Variants in OGDH observed in about 807,000 individuals in gnomAD.
OGDH encodes the protein oxoglutarate dehydrogenase.
A neutral mutation model predicts 116.6 loss-of-function variants in OGDH; 38 were observed. The observed-to-expected ratio is 0.33, with a 90% CI of 0.25 to 0.43. The LOEUF is 0.43. Among genes scored for constraint, OGDH ranks in the 20% least tolerant of loss-of-function variants. The pLI, the probability that OGDH is intolerant of heterozygous loss-of-function variation, is 1.00. For missense variants in OGDH, 825 were observed against 1,357.2 expected, an observed-to-expected ratio of 0.61 and a Z score of 6.16; for synonymous variants, 488 against 533.3, an observed-to-expected ratio of 0.92 and a Z score of 1.17.
chr7:44,624,288 CTTGT>C, intron 1 of OGDH, 25 bp from the exon 2 acceptor site: 5 of 1,157,282 alleles, frequency 4.3e-6, no homozygotes, highest in African/African-American at 1.9e-5. Flanking sequence ...ACCTTTCTTT[CTTGT>C]TTTTTTTTTT....
chr7:44,661,368 A>T lies in OGDH; in HGVS notation c.518-5368A>T, dbSNP rs75090392. ...TGAAGTGAGTTTCTTGTGGATAAGC[A>T]TATAGGTGGGTTTTGTTTTATATTT... On this transcript the variant is annotated intron_variant, in intron 4 of 22. Coordinates refer to ENST00000222673, the MANE Select transcript of OGDH (RefSeq NM_002541.4). 6.2e-4 allele frequency among the ~76,000 whole-genome samples: 95 copies of T among 152,242 alleles called. 1 individual carries two copies. The East Asian group carries it at 0.018, about 28-fold the overall frequency.
At chr7:44,652,293 A>G (rs1330840765) in intron 4 of OGDH, among the ~76,000 whole-genome samples, 1 of 151,888 alleles carries the variant, frequency 6.6e-6, no homozygotes, top group Non-Finnish European at 1.5e-5. Context: ...TATTTTTAGT[A>G]GAGACCGGGT....
rs371671800 is a variant in OGDH, at chr7:44,701,581, C to G, written c.2598C>G (p.Pro866=). 6.2e-7 allele frequency: 1 copy of G among 1,614,156 alleles called. No individual in the cohort carries two copies. Among genetic ancestry groups the G allele is most frequent in the Non-Finnish European group, 8.5e-7 (1 of 1,180,020 alleles). The change falls in exon 20 of 23, where the codon CCC becomes CCG. Residue 866 remains proline (P), a synonymous_variant. Transcript: ENST00000222673. Reference sequence around the variant, plus strand: ...CCCCCAAATCCCTGTTGCGCCACCCCGAGGCCAGATCCAGCTTTGATGAGA... The same window carrying G: ...CCCCCAAATCCCTGTTGCGCCACCCGGAGGCCAGATCCAGCTTTGATGAGA... ...IFTPKSLLRH[P]EARSSFDEML... is the part of the protein sequence containing the mutation.
At chr7:44,656,170 ATGTG>A (rs759642375) in intron 4 of OGDH, 156 of 678,864 alleles carry the variant, frequency 2.3e-4, no homozygotes, top group Non-Finnish European at 3.7e-4. Context: ...TTCTCCCTTG[ATGTG>A]TGTGTGTGTC....
intron 4 of OGDH, among the ~76,000 whole-genome samples, chr7:44,655,750 G>A (rs2115916760): frequency 6.6e-6 from 1 of 152,332 alleles, no homozygotes; most frequent in African/African-American, 2.4e-5. Flanking sequence ...CTGTGGAGAT[G>A]CAGCTGTGGC....
intron 20 of OGDH, among the ~76,000 whole-genome samples, chr7:44,701,865 A>C (rs1158663907): frequency 6.6e-6 from 1 of 152,184 alleles, no homozygotes; most frequent in African/African-American, 2.4e-5. Flanking sequence ...TGAGGTCGGG[A>C]GTTCGAGACT....
In OGDH at chr7:44,697,015, G is replaced by A. The variant is rs761844258; in HGVS notation, c.2002G>A (p.Gly668Ser). 6.2e-7 allele frequency: 1 copy of A among 1,614,232 alleles called. No homozygotes were observed. Among genetic ancestry groups the A allele is most frequent in the Non-Finnish European group, 8.5e-7 (1 of 1,180,038 alleles). ...YMAFGSLLKE[G>S]IHIRLSGQDV... ...GGCGTTTGGCTCGCTCCTGAAGGAG[G>A]GCATCCACATTCGGCTGAGCGGCCA... The change falls in exon 15 of 23, where the codon GGC becomes AGC. Residue 668 changes from glycine (G) to serine (S), a missense_variant. By Grantham distance (56) the Gly-to-Ser change is moderately conservative. Around this residue, in one of 7 missense-constraint regions of OGDH, gnomAD observed 92 missense variants for 129.7 expected, o/e 0.71. Transcript: ENST00000222673. The surrounding 1 kb of genome is among the most constrained non-coding windows in gnomAD (Gnocchi z 6.0).
intron 1 of OGDH, among the ~76,000 whole-genome samples, chr7:44,608,752 C>A (rs1258293045): frequency 2.6e-5 from 4 of 151,988 alleles, no homozygotes; most frequent in African/African-American, 9.7e-5. Flanking sequence ...ACTACAGTAT[C>A]ATCTACTTTT....
intron 20 of OGDH, among the ~76,000 whole-genome samples, chr7:44,704,703 T>C (rs147829471): frequency 0.021 from 3,133 of 152,124 alleles, 37 homozygotes; most frequent in Non-Finnish European, 0.034. Context: ...TTGGGTGTTT[T>C]TTTTGTTTGT....
At chr7:44,608,571 G>A (rs1562602964) in intron 1 of OGDH, among the ~76,000 whole-genome samples, 1 of 151,778 alleles carries the variant, frequency 6.6e-6, no homozygotes, top group Non-Finnish European at 1.5e-5. Context: ...TGGTGGCGTG[G>A]GCCTGTAGTC....
chr7:44,696,991 G>A lies in OGDH; in HGVS notation c.1978G>A (p.Ala660Thr). The change falls in exon 15 of 23, where the codon GCG becomes ACG. Residue 660 changes from alanine (A) to threonine (T), a missense_variant. By Grantham distance (58) the Ala-to-Thr change is moderately conservative. This residue lies in a region of OGDH where 92 missense variants were observed against 129.7 expected (regional missense o/e 0.71). Transcript: ENST00000222673. The part of the protein sequence containing the change: ...TVDWALAEYM[A>T]FGSLLKEGIH... Reference sequence around the variant, plus strand: ...GGACTGGGCTCTAGCGGAGTACATGGCGTTTGGCTCGCTCCTGAAGGAGGG... The same window carrying A: ...GGACTGGGCTCTAGCGGAGTACATGACGTTTGGCTCGCTCCTGAAGGAGGG... The A allele has an allele frequency of 1.9e-6, 3 of 1,614,232 alleles. No homozygotes were observed. The highest frequency in any genetic ancestry group is 1.6e-4 in the Middle Eastern group (1 of 6,062).
At chr7:44,623,866 G>T (rs1010180313) in intron 1 of OGDH, among the ~76,000 whole-genome samples, 3 of 152,158 alleles carry the variant, frequency 2.0e-5, no homozygotes, top group African/African-American at 7.2e-5. Flanking sequence ...GGATGGTCTT[G>T]ATCTCCTGAC....
chr7:44,699,443 A>AC (rs1788732171), intron 18 of OGDH, among the ~76,000 whole-genome samples: 1 of 151,844 alleles, frequency 6.6e-6, no homozygotes, highest in Non-Finnish European at 1.5e-5. Flanking sequence ...AAAAAAAAAA[A>AC]AAAAAACTCA....
chr7:44,701,680 T>C, intron 20 of OGDH, 65 bp downstream of exon 20: 1 of 1,425,994 alleles, frequency 7.0e-7, no homozygotes, highest in Non-Finnish European at 9.9e-7. Context: ...TTGCTGCTGC[T>C]CTTTTACAGC....
At chr7:44,614,789 A>G (rs1784704751) in intron 1 of OGDH, among the ~76,000 whole-genome samples, 1 of 149,660 alleles carries the variant, frequency 6.7e-6, no homozygotes, top group Non-Finnish European at 1.5e-5. Flanking sequence ...ATTGGTGTCT[A>G]TAGATTGTCT....
intron 13 of OGDH, 51 bp from the exon 14 acceptor site, chr7:44,696,378 C>T (rs1328869376): frequency 6.3e-7 from 1 of 1,586,396 alleles, no homozygotes; most frequent in South Asian, 1.2e-5. Context: ...ATTTTGTGGT[C>T]CCTGGAAAAG....
chr7:44,670,671 A>G (rs1333299077), intron 5 of OGDH, among the ~76,000 whole-genome samples: 1 of 152,204 alleles, frequency 6.6e-6, no homozygotes, highest in Non-Finnish European at 1.5e-5. Flanking sequence ...TTTTTTGTGC[A>G]TCTAATTTAG....
intron 4 of OGDH, among the ~76,000 whole-genome samples, chr7:44,661,088 C>T (rs779931212): frequency 9.2e-5 from 14 of 152,104 alleles, no homozygotes; most frequent in Non-Finnish European, 1.3e-4. Context: ...TCTCTTTCTC[C>T]TTTTAGTCCT....
At chr7:44,678,676 C>T (rs1787801554) in intron 9 of OGDH, among the ~76,000 whole-genome samples, 2 of 152,166 alleles carry the variant, frequency 1.3e-5, no homozygotes, top group Admixed American at 6.5e-5. Context: ...TCTGAGCCTC[C>T]TCGTCACCTT....
Sources: allele counts gnomAD v4.1 joint callset (sites outside exome capture counted in the v4.1 genomes callset), GRCh38; gene constraint gnomAD v4.1.1; regional missense constraint gnomAD v4.1.1; non-coding constraint Gnocchi (gnomAD v3.1); transcripts MANE v1.5; gene names NCBI Gene and HGNC (gene_info 2026-07-23, HGNC 2026-07-21).